COPZ2: variants seen among roughly 807,000 people sequenced by gnomAD.
The protein encoded by COPZ2 is coatomer subunit zeta-2.
In COPZ2, 30 loss-of-function variants were observed where a neutral mutation model predicts 33.2. That is an observed-to-expected ratio of 0.90 (90% CI 0.68 to 1.23). COPZ2 has a LOEUF of 1.23. Among genes scored for constraint, COPZ2 ranks in the 50% most tolerant of loss-of-function variants. The pLI is 0.00. For missense variants in COPZ2, 263 were observed against 262.4 expected (o/e 1.00, Z -0.02); for synonymous variants, 89 against 102.6 (o/e 0.87, Z 0.80).
chr17:48,034,168 G>A (rs1308565320), intron 2 of COPZ2, among the ~76,000 whole-genome samples: 1 of 152,174 alleles, frequency 6.6e-6, no homozygotes, highest in African/African-American at 2.4e-5. Flanking sequence ...GAGTGCAGTG[G>A]CACGATCTCG....
chr17:48,029,159 T>C lies in COPZ2; in HGVS notation c.512A>G (p.Asp171Gly). The change falls in exon 7 of 9, where the codon GAC becomes GGC. Residue 171 changes from aspartate to glycine, a missense_variant. Coordinates refer to ENST00000621465, the MANE Select transcript of COPZ2 (RefSeq NM_016429.4). Reference protein sequence around the residue: ...IVDGGVILESDPQQVIQKVNF... With the variant: ...IVDGGVILESGPQQVIQKVNF... ...CACCTTCTGGATCACTTGCTGGGGG[T>C]CACTCTCCAGAATCACACTACAAGA... The C allele has an allele frequency of 6.3e-7, 1 of 1,577,954 alleles. No individual in the cohort carries two copies. Among genetic ancestry groups the C allele is most frequent in the Non-Finnish European group, 8.6e-7 (1 of 1,161,710 alleles).
chr17:48,035,625 T>C (rs944085825), intron 2 of COPZ2, among the ~76,000 whole-genome samples: 1 of 152,150 alleles, frequency 6.6e-6, no homozygotes, highest in East Asian at 1.9e-4. Flanking sequence ...GGGTGTGCCA[T>C]GTTGCCCAGG....
At chr17:48,032,850 C>A in intron 4 of COPZ2, 109 bp from the exon 5 acceptor site, 1 of 876,006 alleles carries the variant, frequency 1.1e-6, no homozygotes. Context: ...TTTCAGAGGC[C>A]TGGGCTGGAG....
rs192028283 is a variant in COPZ2 at position 48,032,173 on chromosome 17, G to A, written c.477C>T (p.Asp159=). Residue 159 remains aspartate (D), a synonymous_variant, in exon 6 of 9, where the codon GAC becomes GAT. Transcript: ENST00000621465. ...ENMDGAFLVL[D]EIVDGGVILE... ...CTCCTCACCCGCCATCCACAATCTC[G>A]TCCAGCACCAAGAAGGCTCCGTCCA... is the stretch of plus-strand genomic sequence containing the variant. 2.5e-5 allele frequency: 40 copies of A among 1,613,144 alleles called. No individual in the cohort carries two copies. Among genetic ancestry groups the A allele is most frequent in the South Asian group, 6.6e-5 (6 of 90,848 alleles).
chr17:48,036,512 C>G (rs934986808), intron 2 of COPZ2, among the ~76,000 whole-genome samples: 2 of 152,132 alleles, frequency 1.3e-5, no homozygotes, highest in Non-Finnish European at 2.9e-5. Flanking sequence ...AGAGACAAAC[C>G]CCAAAGAACA....
chr17:48,033,707 G>A (rs1305054462), intron 3 of COPZ2, among the ~76,000 whole-genome samples, 156 bp downstream of exon 3: 1 of 152,204 alleles, frequency 6.6e-6, no homozygotes, highest in African/African-American at 2.4e-5. Context: ...CCTGGAGGAA[G>A]GGAGTGGAGA....
chr17:48,033,745 C>T (rs2036935340), intron 3 of COPZ2, 118 bp downstream of exon 3: 8 of 776,326 alleles, frequency 1.0e-5, no homozygotes, highest in Non-Finnish European at 1.7e-5. Flanking sequence ...GACAAAAAGC[C>T]TCTGAAGAAA....
At chr17:48,045,875 TGAA>T in the COPZ2 span, 1 of 152,216 alleles carries the variant, frequency 6.6e-6, no homozygotes, top group Admixed American at 6.5e-5. Flanking sequence ...GCTTCCTGGG[TGAA>T]GAAGGACACA....
chr17:48,044,260 T>C, the COPZ2 span, among the ~76,000 whole-genome samples: 1 of 151,904 alleles, frequency 6.6e-6, no homozygotes, highest in Admixed American at 6.6e-5. Flanking sequence ...AGCAGGAGAA[T>C]CGCTTGAACT....
upstream of COPZ2, among the ~76,000 whole-genome samples, chr17:48,042,340 G>A (rs912831495): frequency 3.9e-5 from 6 of 152,112 alleles, no homozygotes; most frequent in Non-Finnish European, 7.4e-5. Context: ...TCACTATGTT[G>A]TTTGGCTGGT....
intron 6 of COPZ2, among the ~76,000 whole-genome samples, chr17:48,030,713 A>C (rs1239961421): frequency 6.6e-6 from 1 of 152,172 alleles, no homozygotes; most frequent in Non-Finnish European, 1.5e-5. Context: ...GCGCTTCCCC[A>C]GTTTTTCTTG....
chr17:48,036,912 G>C lies in COPZ2; in HGVS notation c.125C>G (p.Ser42Cys), dbSNP rs756414264. 5 of 1,613,634 alleles carry C rather than the reference G, an allele frequency of 3.1e-6. 1 individual carries two copies. In the East Asian group the frequency reaches 1.1e-4, roughly 36 times the overall value. Residue 42 changes from serine to cysteine, a missense_variant, in exon 2 of 9, where the codon TCC (serine) becomes TGC (cysteine). Physicochemically the swap from Ser to Cys is moderately radical, Grantham distance 112 (BLOSUM62 -1). Coordinates refer to ENST00000621465, the MANE Select transcript of COPZ2 (RefSeq NM_016429.4). ...EPSGLRLQEPSLYTIKAVFIL... is the reference protein window; with the variant it reads ...EPSGLRLQEPCLYTIKAVFIL... ...GAAAACAGCCTTGATGGTGTAGAGG[G>C]AAGGTTCCTGCAACTGACACCGGAG...
chr17:48,030,609 C>T (rs530047767), intron 6 of COPZ2, among the ~76,000 whole-genome samples: 1 of 152,286 alleles, frequency 6.6e-6, no homozygotes, highest in East Asian at 1.9e-4. Context: ...GGCTGAGCAC[C>T]CCCTGTCCCA....
At chr17:48,035,520 C>T (rs574286735) in intron 2 of COPZ2, among the ~76,000 whole-genome samples, 3 of 152,220 alleles carry the variant, frequency 2.0e-5, no homozygotes, top group East Asian at 1.9e-4. Context: ...TTCAGCCTCC[C>T]GAGTAGGTGG....
rs2036819144 is a variant in COPZ2, at chr17:48,026,504, G to T, written c.586-29C>A. The T allele has an allele frequency of 1.9e-6, 3 of 1,548,506 alleles. No homozygotes were observed. In the African/African-American group the frequency reaches 4.1e-5, roughly 21 times the overall value. On this transcript the variant is annotated intron_variant, in intron 8 of 8. Transcript: ENST00000621465. ...GGGTGGGGTGGGGGAGGTTGAGAGA[G>T]AATTGAGAATGTCAAATGCCTCCAT...
At chr17:48,032,772 G>T (rs1174046965) in intron 4 of COPZ2, 31 bp from the exon 5 acceptor site, 8 of 1,561,528 alleles carry the variant, frequency 5.1e-6, no homozygotes, top group Non-Finnish European at 7.0e-6. Context: ...AGGAGGAAAA[G>T]GAGAGTTTGA....
At position 48,028,119 on chromosome 17, in the gene COPZ2, C is replaced by T. The variant is rs750006526; in HGVS notation, c.585+353G>A. Reference sequence around the variant, plus strand: ...ACCCTTTCCAGGTTTCGGTAGAGGGCGCATCAGAGGCCTGAGTTCCCAGAT... The same window carrying T: ...ACCCTTTCCAGGTTTCGGTAGAGGGTGCATCAGAGGCCTGAGTTCCCAGAT... On this transcript the variant is annotated intron_variant, in intron 8 of 8. Transcript: ENST00000621465. This position sits in a 1 kb window ranked among gnomAD's most constrained non-coding sequence, Gnocchi z 4.5. 4.6e-5 allele frequency among the ~76,000 whole-genome samples: 7 copies of T among 152,230 alleles called. No individual in the cohort carries two copies. Among genetic ancestry groups the T allele is most frequent in the South Asian group, 4.2e-4 (2 of 4,818 alleles).
chr17:48,029,027 A>T, intron 7 of COPZ2, 98 bp downstream of exon 7: 1 of 1,140,198 alleles, frequency 8.8e-7, no homozygotes, highest in Non-Finnish European at 1.3e-6. Flanking sequence ...CTTCTGCTAG[A>T]GGAGCTTGGG....
intron 6 of COPZ2, chr17:48,031,942 T>A: frequency 1.7e-6 from 1 of 597,736 alleles, no homozygotes; most frequent in Non-Finnish European, 3.0e-6. Context: ...TAGTCTCTTG[T>A]TTGGCTTGAC....
Sources: allele counts gnomAD v4.1 joint callset (sites outside exome capture counted in the v4.1 genomes callset), GRCh38; gene constraint gnomAD v4.1.1; non-coding constraint Gnocchi (gnomAD v3.1); transcripts MANE v1.5; gene names NCBI Gene and HGNC (gene_info 2026-07-23, HGNC 2026-07-21).